MFHAS1: variants seen among roughly 807,000 people sequenced by gnomAD.
The protein encoded by MFHAS1 is malignant fibrous histiocytoma-amplified sequence 1.
A neutral mutation model predicts 70.4 loss-of-function variants in MFHAS1; 50 were observed. The ratio of observed to expected loss-of-function variants is 0.71; its 90% confidence interval spans 0.57 to 0.90. The LOEUF is 0.90. Ranked by LOEUF, MFHAS1 falls within the 40% of genes least tolerant of loss-of-function variation. The pLI is 0.00. For missense variants in MFHAS1, 1,795 were observed against 1,347.6 expected, an observed-to-expected ratio of 1.33 and a Z score of -5.20; for synonymous variants, 952 against 620.0, an observed-to-expected ratio of 1.54 and a Z score of -7.96.
chr8:8,874,620 G>C (rs1053003483), intron 1 of MFHAS1, among the ~76,000 whole-genome samples: 1 of 152,104 alleles, frequency 6.6e-6, no homozygotes, highest in Non-Finnish European at 1.5e-5. Flanking sequence ...TCCACATATG[G>C]ATAGCACTTT....
chr8:8,865,927 A>C (rs1031405457), intron 1 of MFHAS1, among the ~76,000 whole-genome samples: 2 of 152,190 alleles, frequency 1.3e-5, no homozygotes, highest in African/African-American at 4.8e-5. Context: ...ACTGTCCTCC[A>C]CACCTCTCCT....
rs532508779 is a variant in MFHAS1 at position 8,811,462 on chromosome 8, G to A, written c.2999-13971C>T. Among the ~76,000 whole-genome samples the A allele has an allele frequency of 3.9e-5, 6 of 152,134 alleles. No individual in the cohort carries two copies. In the East Asian group the frequency reaches 1.2e-3, roughly 29 times the overall value. ...CATTTTTTTATTTTTATTTTTTGTAGAGATGAGGTCTCGCCATGTTGCCCA... is the reference window on the plus strand; with the variant it reads ...CATTTTTTTATTTTTATTTTTTGTAAAGATGAGGTCTCGCCATGTTGCCCA... On this transcript the variant is annotated intron_variant, in intron 1 of 2. Transcript: ENST00000276282.
chr8:8,784,283 T>TGC lies in MFHAS1; in HGVS notation c.*1737_*1738dup, dbSNP rs1417510602. ...ATGTGACCATTCAGTTTTACACACA[T>TGC]GCACACACACACACACGGAGACGCG... On this transcript the variant is annotated 3_prime_UTR_variant, in exon 3 of 3. Transcript: ENST00000276282. 1 of 151,908 alleles carries TGC rather than the reference T, an allele frequency of 6.6e-6. No individual in the cohort carries two copies. The allele number at this position is 151,908 out of a possible 1,614,324, so 9.4% of individuals were successfully genotyped here.
At chr8:8,882,316 G>A (rs1809557868) in intron 1 of MFHAS1, among the ~76,000 whole-genome samples, 2 of 152,204 alleles carry the variant, frequency 1.3e-5, no homozygotes, top group African/African-American at 2.4e-5. Flanking sequence ...CTTGAACCCA[G>A]GAGGTGGAGG....
chr8:8,859,920 T>C (rs986336045), intron 1 of MFHAS1: 7 of 152,230 alleles, frequency 4.6e-5, no homozygotes, highest in Non-Finnish European at 1.5e-5. Flanking sequence ...TGATATCTGG[T>C]ATTAATCCCA....
At chr8:8,872,893 C>T (rs1189911477) in intron 1 of MFHAS1, among the ~76,000 whole-genome samples, 2 of 152,186 alleles carry the variant, frequency 1.3e-5, no homozygotes, top group Non-Finnish European at 1.5e-5. Flanking sequence ...TTAACAAATA[C>T]ATTCAAAAGA....
chr8:8,854,615 G>A (rs913060356), intron 1 of MFHAS1, among the ~76,000 whole-genome samples: 3 of 151,708 alleles, frequency 2.0e-5, no homozygotes, highest in African/African-American at 7.3e-5. Flanking sequence ...AACCTTGGAG[G>A]TGGAGGTTGC....
intron 1 of MFHAS1, among the ~76,000 whole-genome samples, chr8:8,829,313 T>C (rs1807280940): frequency 2.0e-5 from 3 of 152,232 alleles, no homozygotes; most frequent in Non-Finnish European, 4.4e-5. Context: ...CTCAGCACCC[T>C]GGACATCATC....
At chr8:8,816,692 T>A (rs1057449961) in intron 1 of MFHAS1, among the ~76,000 whole-genome samples, 1 of 152,220 alleles carries the variant, frequency 6.6e-6, no homozygotes, top group African/African-American at 2.4e-5. Context: ...CTAGATGCTA[T>A]CTAATAATAA....
chr8:8,849,788 T>C (rs975897265), intron 1 of MFHAS1, among the ~76,000 whole-genome samples: 4 of 152,250 alleles, frequency 2.6e-5, no homozygotes, highest in African/African-American at 9.6e-5. Context: ...AGTTATCTCC[T>C]TTCCCTTTCT....
intron 1 of MFHAS1, among the ~76,000 whole-genome samples, chr8:8,816,268 T>C (rs997682987): frequency 9.2e-5 from 14 of 152,144 alleles, no homozygotes; most frequent in Non-Finnish European, 1.9e-4. Flanking sequence ...ATCTATCAAA[T>C]TGGACCCTCA....
At position 8,854,737 on chromosome 8, in the gene MFHAS1, C is replaced by A. The variant is rs79921587; in HGVS notation, c.2998+35324G>T. 5.7e-3 allele frequency among the ~76,000 whole-genome samples: 863 copies of A among 151,630 alleles called. 11 individuals carry two copies. Among genetic ancestry groups the A allele is most frequent in the African/African-American group, 0.019 (806 of 41,346 alleles). On this transcript the variant is annotated intron_variant, in intron 1 of 2. Transcript: ENST00000276282. ...AATATGTATTATGACTAAATCAGAACATCACATGGAACATATTTACACTAA... is the reference window on the plus strand; with the variant it reads ...AATATGTATTATGACTAAATCAGAAAATCACATGGAACATATTTACACTAA...
chr8:8,849,760 C>T (rs1007600813), intron 1 of MFHAS1, among the ~76,000 whole-genome samples: 1 of 152,230 alleles, frequency 6.6e-6, no homozygotes, highest in African/African-American at 2.4e-5. Context: ...ATAAGCTTTA[C>T]TTTCTAGCAA....
At chr8:8,837,354 G>A (rs543344759) in intron 1 of MFHAS1, among the ~76,000 whole-genome samples, 2 of 152,280 alleles carry the variant, frequency 1.3e-5, no homozygotes, top group East Asian at 1.9e-4. Flanking sequence ...TACATAAGAA[G>A]ATGCTTGGCC....
At position 8,870,925 on chromosome 8, in the gene MFHAS1, T is replaced by A. The variant is rs199604494; in HGVS notation, c.2998+19136A>T. ...ATTTCACACAAGGAGTCCTTACTTT[T>A]TTTCTTTTTTTGGTGACAGGAGCGT... is the stretch of plus-strand genomic sequence containing the variant. On this transcript the variant is annotated intron_variant, in intron 1 of 2. Coordinates refer to ENST00000276282, the MANE Select transcript of MFHAS1 (RefSeq NM_004225.3). Among the ~76,000 whole-genome samples the A allele has an allele frequency of 3.3e-5, 5 of 152,324 alleles. No individual in the cohort carries two copies. The East Asian group carries it at 9.7e-4, about 29-fold the overall frequency.
At chr8:8,888,814 C>A (rs1180762036) in intron 1 of MFHAS1, among the ~76,000 whole-genome samples, 1 of 152,020 alleles carries the variant, frequency 6.6e-6, no homozygotes, top group Non-Finnish European at 1.5e-5. Flanking sequence ...CACAGAATGC[C>A]CAACACAGAG....
chr8:8,863,454 G>C (rs571396971), intron 1 of MFHAS1, among the ~76,000 whole-genome samples: 1 of 152,154 alleles, frequency 6.6e-6, no homozygotes, highest in Non-Finnish European at 1.5e-5. Flanking sequence ...CCTAGATGGA[G>C]CATAAAGAAT....
intron 1 of MFHAS1, among the ~76,000 whole-genome samples, chr8:8,798,432 C>T (rs554711384): frequency 4.6e-5 from 7 of 152,248 alleles, no homozygotes; most frequent in African/African-American, 1.7e-4. Context: ...CTCAGGTGAT[C>T]CTCCCACCTC....
chr8:8,840,257 G>A (rs867608660), intron 1 of MFHAS1, among the ~76,000 whole-genome samples: 1 of 152,128 alleles, frequency 6.6e-6, no homozygotes, highest in Non-Finnish European at 1.5e-5. Flanking sequence ...AGGAGTTTCA[G>A]GCTAGCCTGG....
Sources: allele counts gnomAD v4.1 joint callset (sites outside exome capture counted in the v4.1 genomes callset), GRCh38; gene constraint gnomAD v4.1.1; transcripts MANE v1.5; gene names NCBI Gene and HGNC (gene_info 2026-07-23, HGNC 2026-07-21).